Variants in UST observed in about 807,000 individuals in gnomAD.
The protein encoded by UST is uronyl 2-sulfotransferase, also known as chondroitin sulfate 2-O-sulfotransferase.
Under a neutral mutation model 45.6 loss-of-function variants are expected in UST, and 21 were observed. The ratio of observed to expected loss-of-function variants is 0.46; its 90% CI spans 0.33 to 0.66. UST has a LOEUF of 0.66. UST is among the 30% of genes least tolerant of loss of function. The pLI is 0.02. For missense variants in UST, 463 were observed against 512.4 expected (o/e 0.90, Z 0.93); for synonymous variants, 215 against 200.6 (o/e 1.07, Z -0.61).
At chr6:148,936,497 T>C (rs1388528094) in intron 2 of UST, among the ~76,000 whole-genome samples, 2 of 151,740 alleles carry the variant, frequency 1.3e-5, no homozygotes, top group African/African-American at 4.8e-5. Flanking sequence ...TTCTGTATTG[T>C]TAAACAAGGA....
chr6:148,747,535 G>T lies in UST; in HGVS notation c.105G>T (p.Val35=). ...PPGLGSWKRR[V]PLLPFLRFSL... is the part of the protein sequence containing the mutation. Reference sequence around the variant, plus strand: ...GCCTGGGCAGCTGGAAGCGTCGGGTGCCCCTGCTGCCTTTCCTGCGCTTCT... The same window carrying T: ...GCCTGGGCAGCTGGAAGCGTCGGGTTCCCCTGCTGCCTTTCCTGCGCTTCT... Residue 35 remains valine, a synonymous_variant, in exon 1 of 8, where the codon GTG becomes GTT. Transcript: ENST00000367463. 2 of 1,551,856 alleles carry T rather than the reference G, an allele frequency of 1.3e-6. No individual in the cohort carries two copies. Among genetic ancestry groups the T allele is most frequent in the Admixed American group, 1.9e-5 (1 of 51,424 alleles).
intron 5 of UST, 58 bp downstream of exon 5, chr6:148,964,621 A>C: frequency 6.3e-7 from 1 of 1,596,132 alleles, no homozygotes; most frequent in South Asian, 1.1e-5. Flanking sequence ...TGGGCCCTCC[A>C]CCAGGGAAGG....
intron 4 of UST, among the ~76,000 whole-genome samples, chr6:148,960,391 A>C (rs1780628762): frequency 6.6e-6 from 1 of 152,036 alleles, no homozygotes; most frequent in African/African-American, 2.4e-5. Flanking sequence ...CTCACTTCAA[A>C]CTGTCTTCCT....
chr6:148,820,449 A>G (rs1334588151), intron 1 of UST, among the ~76,000 whole-genome samples: 1 of 152,178 alleles, frequency 6.6e-6, no homozygotes, highest in Admixed American at 6.5e-5. Flanking sequence ...TCTGTTTTCT[A>G]AAAGATTCAG....
At chr6:148,892,804 T>C (rs1779045116) in intron 2 of UST, among the ~76,000 whole-genome samples, 1 of 152,146 alleles carries the variant, frequency 6.6e-6, no homozygotes, top group African/African-American at 2.4e-5. Context: ...ATATAACTGG[T>C]GGGTAATTGT....
intron 1 of UST, among the ~76,000 whole-genome samples, chr6:148,831,406 G>A (rs1777685354): frequency 6.6e-6 from 1 of 152,166 alleles, no homozygotes; most frequent in Admixed American, 6.5e-5. Context: ...TCGCCTTATA[G>A]TTTAGTTTTG....
chr6:148,747,239 G>A lies in UST; in HGVS notation c.-192G>A. 3 of 585,756 alleles carry A rather than the reference G, an allele frequency of 5.1e-6. No individual in the cohort carries two copies. Among genetic ancestry groups the A allele is most frequent in the Non-Finnish European group, 7.5e-6 (3 of 402,020 alleles). 36.3% of individuals were successfully genotyped at this position (585,756 alleles called of 1,614,324 possible). Reference sequence around the variant, plus strand: ...CCGGGGCCGGACACCTCGGCCGCTCGGGCCGCGGCGGCGGGGACCATGCCG... The same window carrying A: ...CCGGGGCCGGACACCTCGGCCGCTCAGGCCGCGGCGGCGGGGACCATGCCG... On this transcript the variant is annotated 5_prime_UTR_variant, in exon 1 of 8. Transcript: ENST00000367463.
intron 1 of UST, 135 bp downstream of exon 1, chr6:148,747,812 G>C: frequency 7.8e-6 from 9 of 1,157,394 alleles, no homozygotes; most frequent in Non-Finnish European, 1.0e-5. Context: ...TGCTAAGCCC[G>C]TGAGCATCTG....
chr6:149,020,954 A>C (rs1205617618), intron 6 of UST, among the ~76,000 whole-genome samples: 2 of 152,218 alleles, frequency 1.3e-5, no homozygotes, highest in Non-Finnish European at 2.9e-5. Context: ...AATTCATTTA[A>C]TTGGTTCAGT....
chr6:148,780,930 A>G (rs1446713557), intron 1 of UST, among the ~76,000 whole-genome samples: 1 of 152,120 alleles, frequency 6.6e-6, no homozygotes, highest in Non-Finnish European at 1.5e-5. Flanking sequence ...AATTTATTCA[A>G]TAAATATGTG....
chr6:148,960,648 C>A (rs978486636), intron 4 of UST, among the ~76,000 whole-genome samples: 1 of 152,154 alleles, frequency 6.6e-6, no homozygotes, highest in Non-Finnish European at 1.5e-5. Context: ...GATGACTTCA[C>A]AACAATGTGA....
intron 5 of UST, among the ~76,000 whole-genome samples, chr6:149,013,258 A>G (rs1775840935): frequency 6.6e-6 from 1 of 152,198 alleles, no homozygotes; most frequent in Admixed American, 6.5e-5. Context: ...TATTCTTAAA[A>G]GTTGGTTATT....
At chr6:148,758,403 C>T (rs1211510648) in intron 1 of UST, among the ~76,000 whole-genome samples, 2 of 151,982 alleles carry the variant, frequency 1.3e-5, no homozygotes, top group Non-Finnish European at 1.5e-5. Context: ...TTTTTTTGTT[C>T]CTGCATTCAC....
At chr6:149,000,633 T>C (rs946674613) in intron 5 of UST, among the ~76,000 whole-genome samples, 2 of 152,164 alleles carry the variant, frequency 1.3e-5, no homozygotes, top group African/African-American at 4.8e-5. Context: ...ACACTCCAGA[T>C]GGCTTTAAGG....
chr6:148,848,649 G>T, intron 1 of UST, among the ~76,000 whole-genome samples: 1 of 144,968 alleles, frequency 6.9e-6, no homozygotes, highest in East Asian at 2.0e-4. Context: ...CCAGCCTGGT[G>T]ACAGAGTGAG....
intron 1 of UST, among the ~76,000 whole-genome samples, chr6:148,883,949 TG>T (rs907990250): frequency 6.6e-6 from 1 of 152,070 alleles, no homozygotes; most frequent in Non-Finnish European, 1.5e-5. Context: ...CTGGCCAACA[TG>T]GAGAAACCCT....
intron 1 of UST, among the ~76,000 whole-genome samples, chr6:148,869,270 T>C (rs1437292122): frequency 2.0e-5 from 3 of 152,236 alleles, no homozygotes; most frequent in African/African-American, 7.2e-5. Flanking sequence ...TCCTTGTTTA[T>C]CTTCCAAAAT....
At chr6:148,922,984 A>G (rs1582900579) in intron 2 of UST, among the ~76,000 whole-genome samples, 1 of 151,554 alleles carries the variant, frequency 6.6e-6, no homozygotes, top group Non-Finnish European at 1.5e-5. Context: ...GTAGAGATGG[A>G]GTTTCACCGT....
At chr6:149,053,489 A>G (rs1456156933) in intron 7 of UST, among the ~76,000 whole-genome samples, 1 of 152,192 alleles carries the variant, frequency 6.6e-6, no homozygotes, top group East Asian at 1.9e-4. Flanking sequence ...CTTTGTGGCT[A>G]TAAACCCAAA....
Sources: allele counts gnomAD v4.1 joint callset (sites outside exome capture counted in the v4.1 genomes callset), GRCh38; gene constraint gnomAD v4.1.1; transcripts MANE v1.5; gene names NCBI Gene and HGNC (gene_info 2026-07-23, HGNC 2026-07-21).